Variants in SLIT3 observed in about 807,000 individuals in gnomAD.
SLIT3 encodes slit guidance ligand 3.
Under a neutral mutation model 184.0 loss-of-function variants are expected in SLIT3, and 68 were observed. The observed-to-expected ratio is 0.37, with a 90% CI of 0.30 to 0.45. The LOEUF (loss-of-function observed/expected upper bound fraction) is 0.45, where lower values mean the gene tolerates loss of function less well. SLIT3 is among the 20% of genes least tolerant of loss of function. The pLI, the probability that SLIT3 is intolerant of heterozygous loss-of-function variation, is 1.00. For synonymous variants in SLIT3, 831 were observed against 828.6 expected, an observed-to-expected ratio of 1.00 and a Z score of -0.05; for missense variants, 1,707 against 2,026.0, an observed-to-expected ratio of 0.84 and a Z score of 3.02.
chr5:169,143,271 C>A (rs1186604718), intron 4 of SLIT3, among the ~76,000 whole-genome samples: 2 of 152,174 alleles, frequency 1.3e-5, no homozygotes, highest in African/African-American at 2.4e-5. Context: ...TTACAGTTTG[C>A]TAAGGGCATT....
intron 4 of SLIT3, among the ~76,000 whole-genome samples, chr5:169,095,195 T>C (rs145668521): frequency 6.6e-6 from 1 of 152,238 alleles, no homozygotes; most frequent in Non-Finnish European, 1.5e-5. Flanking sequence ...CCATTTAGTT[T>C]CTTCTTATTC....
chr5:169,150,983 G>A (rs1762096171), intron 4 of SLIT3, among the ~76,000 whole-genome samples: 1 of 152,032 alleles, frequency 6.6e-6, no homozygotes, highest in African/African-American at 2.4e-5. Context: ...TAAGAAAGAG[G>A]GTCCTAAGCT....
At chr5:169,099,640 A>G (rs1287018244) in intron 4 of SLIT3, among the ~76,000 whole-genome samples, 1 of 152,246 alleles carries the variant, frequency 6.6e-6, no homozygotes, top group Non-Finnish European at 1.5e-5. Flanking sequence ...GCTGGGGTTG[A>G]AATCCAGGCA....
chr5:169,138,653 C>G (rs1308888129), intron 4 of SLIT3, among the ~76,000 whole-genome samples: 3 of 152,318 alleles, frequency 2.0e-5, no homozygotes, highest in South Asian at 2.1e-4. Context: ...TGCAACTGCT[C>G]TGTCCTGACG....
intron 5 of SLIT3, among the ~76,000 whole-genome samples, chr5:168,854,482 C>G (rs1381324019): frequency 6.6e-6 from 1 of 152,172 alleles, no homozygotes; most frequent in Non-Finnish European, 1.5e-5. Context: ...TAGCTCCAGT[C>G]ACTGAGGATC....
At chr5:169,239,889 G>C (rs535261287) in intron 3 of SLIT3, among the ~76,000 whole-genome samples, 2 of 152,106 alleles carry the variant, frequency 1.3e-5, no homozygotes, top group South Asian at 4.2e-4. Context: ...TATATACCAT[G>C]AATTGAATAA....
chr5:169,044,629 T>C (rs1466036718), intron 4 of SLIT3, among the ~76,000 whole-genome samples: 1 of 151,888 alleles, frequency 6.6e-6, no homozygotes, highest in Non-Finnish European at 1.5e-5. Context: ...GTACCAGATT[T>C]CTCTTTGGGG....
rs562497705 is a variant in SLIT3 at position 169,257,806 on chromosome 5, T to C, written c.198-6347A>G. Among the ~76,000 whole-genome samples, 38 of 152,168 alleles carry C rather than the reference T, an allele frequency of 2.5e-4. No individual in the cohort carries two copies. The South Asian group carries it at 7.7e-3, about 31-fold the overall frequency. On this transcript the variant is annotated intron_variant, in intron 1 of 35. Transcript: ENST00000519560. ...CTGACCTCAGGTGATCTGCCCACCT[T>C]GGCCTCCCAAAGTGCTAAAATTATA... is the stretch of plus-strand genomic sequence containing the variant.
At chr5:168,899,292 G>T (rs1299233844) in intron 4 of SLIT3, among the ~76,000 whole-genome samples, 1 of 152,170 alleles carries the variant, frequency 6.6e-6, no homozygotes. Context: ...AAGGCAGGAG[G>T]ATCACTTGAG....
At chr5:169,047,785 C>T (rs1030152925) in intron 4 of SLIT3, among the ~76,000 whole-genome samples, 9 of 152,122 alleles carry the variant, frequency 5.9e-5, no homozygotes, top group African/African-American at 1.9e-4. Context: ...GCTCTTCCCG[C>T]TGTGCTCTGG....
At chr5:169,281,976 A>T (rs577185764) in intron 1 of SLIT3, among the ~76,000 whole-genome samples, 3 of 152,378 alleles carry the variant, frequency 2.0e-5, no homozygotes, top group Admixed American at 2.0e-4. Flanking sequence ...AAATGTTGCT[A>T]AATATAATGA....
chr5:168,866,632 TG>T (rs1759311487), intron 5 of SLIT3, among the ~76,000 whole-genome samples: 1 of 152,200 alleles, frequency 6.6e-6, no homozygotes, highest in African/African-American at 2.4e-5. Flanking sequence ...AATTTTGGAT[TG>T]ATTTCCCCCA....
At chr5:168,730,119 A>G (rs917651886) in intron 20 of SLIT3, among the ~76,000 whole-genome samples, 24 of 152,262 alleles carry the variant, frequency 1.6e-4, no homozygotes, top group African/African-American at 5.5e-4. Flanking sequence ...CAGTAAAAAA[A>G]AAAGACAAAA....
chr5:168,815,754 G>A (rs558268511), intron 8 of SLIT3, among the ~76,000 whole-genome samples: 3 of 152,310 alleles, frequency 2.0e-5, no homozygotes, highest in South Asian at 4.1e-4. Flanking sequence ...CTTGTATATC[G>A]CAAGTGTGAT....
At chr5:168,771,851 C>T (rs1341418845) in intron 14 of SLIT3, among the ~76,000 whole-genome samples, 2 of 152,194 alleles carry the variant, frequency 1.3e-5, no homozygotes, top group South Asian at 2.1e-4. Flanking sequence ...GGAAGACTCG[C>T]CTGCATCAGA....
At chr5:169,020,075 C>G (rs999795577) in intron 4 of SLIT3, among the ~76,000 whole-genome samples, 1 of 152,114 alleles carries the variant, frequency 6.6e-6, no homozygotes, top group African/African-American at 2.4e-5. Context: ...TTTTACATAT[C>G]GTCTGTGGTT....
intron 4 of SLIT3, among the ~76,000 whole-genome samples, chr5:168,957,254 G>A (rs577515399): frequency 6.6e-6 from 1 of 151,548 alleles, no homozygotes; most frequent in East Asian, 1.9e-4. Flanking sequence ...AAATAGAGGT[G>A]GGGGTCTGGC....
Position 168,669,849 on chromosome 5 carries a change from T to G in SLIT3, c.4270A>C (p.Ile1424Leu). 2 of 1,614,208 alleles carry G rather than the reference T, an allele frequency of 1.2e-6. No individual in the cohort carries two copies. The highest frequency in any genetic ancestry group is 1.7e-6 in the Non-Finnish European group (2 of 1,180,040). The change falls in exon 35 of 36, where the codon ATC (isoleucine) becomes CTC (leucine). Residue 1424 changes from isoleucine (I) to leucine (L), a missense_variant. Transcript: ENST00000519560. Reference sequence around the variant, plus strand: ...CAGTAGGGCTCCCCTTGGTCTGAGATGTGGCACTGCCCATGGTGACACTTG... The same window carrying G: ...CAGTAGGGCTCCCCTTGGTCTGAGAGGTGGCACTGCCCATGGTGACACTTG... ...AFKCHHGQCH[I>L]SDQGEPYCLC...
intron 3 of SLIT3, among the ~76,000 whole-genome samples, chr5:169,224,001 C>A (rs1764707297): frequency 6.6e-6 from 1 of 152,154 alleles, no homozygotes; most frequent in Non-Finnish European, 1.5e-5. Flanking sequence ...GTAATCATAT[C>A]TCGTCTTTTA....
Sources: allele counts gnomAD v4.1 joint callset (sites outside exome capture counted in the v4.1 genomes callset), GRCh38; gene constraint gnomAD v4.1.1; transcripts MANE v1.5; gene names NCBI Gene and HGNC (gene_info 2026-07-23, HGNC 2026-07-21).